Variants in CABIN1 observed in about 807,000 individuals in gnomAD.
CABIN1 encodes the protein calcineurin-binding protein cabin-1.
CABIN1 carries 133 observed loss-of-function variants against 227.7 expected under a neutral mutation model. The ratio of observed to expected loss-of-function variants is 0.58; its 90% CI spans 0.51 to 0.67. CABIN1 has a LOEUF of 0.67. CABIN1 is among the 30% of genes least tolerant of loss of function. CABIN1 has a pLI of 0.00. For synonymous variants in CABIN1, 1,086 were observed against 1,155.1 expected (o/e 0.94, Z 1.21); for missense variants, 2,408 against 2,852.5 (o/e 0.84, Z 3.55).
At chr22:24,174,552 T>C (rs1382323854) in intron 34 of CABIN1, among the ~76,000 whole-genome samples, 2 of 152,094 alleles carry the variant, frequency 1.3e-5, no homozygotes, top group Non-Finnish European at 2.9e-5. Context: ...GGGGCTGTCT[T>C]GCCTTGTACC....
chr22:24,083,775 C>A (rs2040962552), intron 20 of CABIN1, among the ~76,000 whole-genome samples: 1 of 152,136 alleles, frequency 6.6e-6, no homozygotes, highest in African/African-American at 2.4e-5. Flanking sequence ...AACAAACAAA[C>A]AACAAACAAA....
chr22:24,171,906 C>G lies in CABIN1; in HGVS notation c.5951C>G (p.Ser1984Ter). Residue 1984 changes from serine (S) to a stop codon, truncating the protein, a stop_gained, in exon 34 of 37, where the codon TCA becomes TGA. Coordinates refer to ENST00000263119, the MANE Select transcript of CABIN1 (RefSeq NM_012295.4). LOFTEE classifies it high-confidence loss of function. ...TTIITCPPSA[S>*]ASTLDQSKDP... Reference sequence around the variant, plus strand: ...ATTATCACCTGCCCTCCGTCAGCATCAGCTTCCACCCTGGACCAGTCCAAG... The same window carrying G: ...ATTATCACCTGCCCTCCGTCAGCATGAGCTTCCACCCTGGACCAGTCCAAG... 1 of 1,614,072 alleles carries G rather than the reference C, an allele frequency of 6.2e-7. No homozygotes were observed.
chr22:24,119,312 G>T lies in CABIN1; in HGVS notation c.4301-55G>T, dbSNP rs2043263644. 4.7e-6 allele frequency: 7 copies of T among 1,476,294 alleles called. No individual in the cohort carries two copies. The South Asian group carries it at 7.9e-5, about 17-fold the overall frequency. The allele number at this position is 1,476,294 out of a possible 1,614,324, so 91.4% of individuals were successfully genotyped here. A position where few individuals can be genotyped will look rare whatever the true frequency, so the allele number is the denominator to read the frequency against. The stretch of plus-strand genomic sequence containing the variant: ...CCTCCGTTACTGGTGGTAGACCACT[G>T]CATGGACAGGGCCTAAAACCAGGGT... On this transcript the variant is annotated intron_variant, in intron 27 of 36. Coordinates refer to ENST00000263119, the MANE Select transcript of CABIN1 (RefSeq NM_012295.4).
chr22:24,054,773 A>G (rs1569134504), intron 8 of CABIN1, 100 bp from the exon 9 acceptor site: 2 of 1,457,814 alleles, frequency 1.4e-6, no homozygotes, highest in Non-Finnish European at 1.9e-6. Flanking sequence ...CAGCTCCAGG[A>G]GCAGCTCTGC....
At chr22:24,020,348 G>T (rs534220830) in intron 1 of CABIN1, among the ~76,000 whole-genome samples, 1 of 151,788 alleles carries the variant, frequency 6.6e-6, no homozygotes, top group Non-Finnish European at 1.5e-5. Flanking sequence ...TTGATACGGG[G>T]TCTCACTTTG....
At chr22:24,166,427 G>A (rs1325025522) in intron 31 of CABIN1, among the ~76,000 whole-genome samples, 8 of 152,210 alleles carry the variant, frequency 5.3e-5, no homozygotes, top group Non-Finnish European at 2.9e-5. Flanking sequence ...GGTAGCCAGA[G>A]GTGCAGAGGA....
chr22:24,020,325 T>C (rs1246934185), intron 1 of CABIN1, among the ~76,000 whole-genome samples: 1 of 152,176 alleles, frequency 6.6e-6, no homozygotes, highest in Non-Finnish European at 1.5e-5. Context: ...ATCTATTTTT[T>C]ATTTTTTTAT....
chr22:24,072,260 C>A, intron 17 of CABIN1, 94 bp from the exon 18 acceptor site: 3 of 1,365,554 alleles, frequency 2.2e-6, no homozygotes, highest in African/African-American at 1.4e-5. Flanking sequence ...GCAGCACATA[C>A]CAGCTCCCCA....
chr22:24,172,353 T>C (rs1223509778), intron 34 of CABIN1, among the ~76,000 whole-genome samples: 2 of 152,176 alleles, frequency 1.3e-5, no homozygotes, highest in Admixed American at 1.3e-4. Context: ...AGGAAAAGGA[T>C]ACTAGCCCAC....
intron 6 of CABIN1, among the ~76,000 whole-genome samples, chr22:24,043,307 C>CA (rs1187800784): frequency 2.1e-4 from 15 of 71,126 alleles, no homozygotes; most frequent in Non-Finnish European, 1.4e-4. Flanking sequence ...AATGATTTTA[C>CA]TTTTTTTTTT....
chr22:24,131,201 G>T (rs2044053859), intron 28 of CABIN1, among the ~76,000 whole-genome samples: 1 of 152,146 alleles, frequency 6.6e-6, no homozygotes, highest in South Asian at 2.1e-4. Flanking sequence ...GGCTACTGGA[G>T]ATGCTTCTTC....
chr22:24,119,418 A>G lies in CABIN1; in HGVS notation c.4352A>G (p.Gln1451Arg), dbSNP rs146353654. 2.5e-6 allele frequency: 4 copies of G among 1,613,978 alleles called. No individual in the cohort carries two copies. Among genetic ancestry groups the G allele is most frequent in the Non-Finnish European group, 3.4e-6 (4 of 1,180,030 alleles). ...ACAGAAGGCTTCCGGGCTGCAGAGC[A>G]AGGTGTCCAGAAGCCTGCTGCAGAA... ...ESTEGFRAAEQGVQKPAAETP... is the reference protein window; with the variant it reads ...ESTEGFRAAERGVQKPAAETP... Residue 1451 changes from glutamine to arginine, a missense_variant, in exon 28 of 37, where the codon CAA becomes CGA. Around this residue, in one of 3 missense-constraint regions of CABIN1, gnomAD observed 649 missense variants for 910.3 expected, o/e 0.71. Coordinates refer to ENST00000263119, the MANE Select transcript of CABIN1 (RefSeq NM_012295.4).
chr22:24,178,573 C>T lies in CABIN1; in HGVS notation c.*377C>T. The T allele has an allele frequency of 3.2e-6, 1 of 315,232 alleles. No homozygotes were observed. The highest frequency in any genetic ancestry group is 3.2e-5 in the South Asian group (1 of 31,708). The allele number at this position is 315,232 out of a possible 1,614,324, so 19.5% of individuals were successfully genotyped here. On this transcript the variant is annotated 3_prime_UTR_variant, in exon 37 of 37. Transcript: ENST00000263119. ...GTCACAGTGGAGGGGTCCTTTAGGG[C>T]CAGGCTCACCCCTCACCCTTTTTTT...
intron 26 of CABIN1, among the ~76,000 whole-genome samples, chr22:24,109,282 T>TGGCACTATCACTGCTCAGTGCAGC (rs2042683213): frequency 6.6e-6 from 1 of 151,584 alleles, no homozygotes; most frequent in Non-Finnish European, 1.5e-5. Context: ...TGGAGTGCAG[T>TGGCACTATCACTGCTCAGTGCAGC]GGCACTATCA....
intron 35 of CABIN1, among the ~76,000 whole-genome samples, chr22:24,176,566 T>G (rs2047122690): frequency 6.6e-6 from 1 of 152,114 alleles, no homozygotes; most frequent in Admixed American, 6.5e-5. Flanking sequence ...GCAGGCGGCC[T>G]GCTTGGGCCC....
intron 26 of CABIN1, among the ~76,000 whole-genome samples, chr22:24,100,334 T>G (rs2042130384): frequency 6.6e-6 from 1 of 152,218 alleles, no homozygotes; most frequent in African/African-American, 2.4e-5. Flanking sequence ...ATGAAAATGT[T>G]TGGGGTCCTA....
intron 1 of CABIN1, among the ~76,000 whole-genome samples, chr22:24,017,614 T>C (rs2035398195): frequency 6.6e-6 from 1 of 152,234 alleles, no homozygotes; most frequent in African/African-American, 2.4e-5. Flanking sequence ...TTCGACTTAC[T>C]GTAATGTCTT....
intron 1 of CABIN1, among the ~76,000 whole-genome samples, chr22:24,012,028 T>C (rs2034850215): frequency 6.6e-6 from 1 of 152,220 alleles, no homozygotes; most frequent in South Asian, 2.1e-4. Flanking sequence ...TATGTGATTA[T>C]TGTGGTTAGA....
intron 25 of CABIN1, among the ~76,000 whole-genome samples, chr22:24,096,341 G>T (rs903603568): frequency 5.9e-5 from 9 of 152,192 alleles, no homozygotes; most frequent in African/African-American, 2.2e-4. Context: ...GGGAAGTCCT[G>T]GGGAGAAGCT....
Sources: allele counts gnomAD v4.1 joint callset (sites outside exome capture counted in the v4.1 genomes callset), GRCh38; gene constraint gnomAD v4.1.1; regional missense constraint gnomAD v4.1.1; transcripts MANE v1.5; gene names NCBI Gene and HGNC (gene_info 2026-07-23, HGNC 2026-07-21).